PSG1: variants seen among roughly 807,000 people sequenced by gnomAD.
PSG1 encodes pregnancy-specific beta-1-glycoprotein 1.
PSG1 carries 60 observed loss-of-function variants against 41.4 expected under a neutral mutation model. That is an observed-to-expected ratio of 1.45 (90% CI 1.18 to 1.80). The LOEUF (loss-of-function observed/expected upper bound fraction) is 1.80. PSG1 is among the 40% of genes most tolerant of loss of function. The pLI, the probability that PSG1 is intolerant of heterozygous loss-of-function variation, is 0.00. For missense variants in PSG1, 806 were observed against 516.9 expected, an observed-to-expected ratio of 1.56 and a Z score of -5.42; for synonymous variants, 256 against 192.9, an observed-to-expected ratio of 1.33 and a Z score of -2.71.
intron 2 of PSG1, among the ~76,000 whole-genome samples, chr19:42,875,701 C>T (rs1971573929): frequency 6.6e-6 from 1 of 151,658 alleles, no homozygotes; most frequent in South Asian, 2.1e-4. Context: ...AGCCCTGATC[C>T]ACTGGGGAGG....
intron 2 of PSG1, among the ~76,000 whole-genome samples, chr19:42,874,505 C>G (rs1021550641): frequency 2.0e-5 from 3 of 151,620 alleles, no homozygotes; most frequent in Middle Eastern, 3.2e-3. Flanking sequence ...CGCCACCATG[C>G]CTGGCTAATT....
chr19:42,879,296 G>A (rs1971765452), intron 1 of PSG1, among the ~76,000 whole-genome samples: 1 of 151,092 alleles, frequency 6.6e-6, no homozygotes, highest in Admixed American at 6.6e-5. Flanking sequence ...AGGATTATAG[G>A]AGCACACCAC....
rs1165605404 is a variant in PSG1 at position 42,868,768 on chromosome 19, G to C, written c.976C>G (p.Leu326Val). Residue 326 changes from leucine (L) to valine (V), a missense_variant, in exon 4 of 6, where the codon CTG becomes GTG. Coordinates refer to ENST00000436291, the MANE Select transcript of PSG1 (RefSeq NM_001184825.2). Reference sequence around the variant, plus strand: ...AAAAGATACTCACAGAGGACATTCAGGGTGACTGGGTCACTGCGGATGCCA... The same window carrying C: ...AAAAGATACTCACAGAGGACATTCACGGTGACTGGGTCACTGCGGATGCCA... ...YGGIRSDPVT[L>V]NVLYGPDLPR... 2.5e-6 allele frequency: 4 copies of C among 1,612,018 alleles called. No individual in the cohort carries two copies. The highest frequency in any genetic ancestry group is 1.1e-5 in the South Asian group (1 of 90,778).
At position 42,868,127 on chromosome 19, in the gene PSG1, G is replaced by A. The variant is rs1041096500; in HGVS notation, c.1217C>T (p.Ser406Phe). 1.2e-6 allele frequency: 2 copies of A among 1,612,212 alleles called. No homozygotes were observed. Among genetic ancestry groups the A allele is most frequent in the Non-Finnish European group, 1.7e-6 (2 of 1,179,104 alleles). ...AGAGACTTCGACTGTCATGGATTTG[G>A]AGCTTTCCTTGCCAGTGGCTGAGTT... ...VRNSATGKESSKSMTVEVSDW... is the reference protein window; with the variant it reads ...VRNSATGKESFKSMTVEVSDW... Residue 406 changes from serine (S) to phenylalanine (F), a missense_variant, in exon 5 of 6, where the codon TCC (serine) becomes TTC (phenylalanine). By Grantham distance (155) the Ser-to-Phe change is radical. Coordinates refer to ENST00000436291, the MANE Select transcript of PSG1 (RefSeq NM_001184825.2).
intron 3 of PSG1, chr19:42,869,344 G>C: frequency 2.0e-6 from 1 of 507,610 alleles, no homozygotes; most frequent in Non-Finnish European, 3.2e-6. Context: ...CTAATCAGTT[G>C]ACTGGCTGGC....
chr19:42,877,428 T>C lies in PSG1; in HGVS notation c.430+485A>G, dbSNP rs529126677. 1.4e-3 allele frequency among the ~76,000 whole-genome samples: 206 copies of C among 151,666 alleles called. 5 individuals are homozygous for C. Among genetic ancestry groups the C allele is most frequent in the Middle Eastern group, 3.4e-3 (1 of 294 alleles). On this transcript the variant is annotated intron_variant, in intron 2 of 5. Coordinates refer to ENST00000436291, the MANE Select transcript of PSG1 (RefSeq NM_001184825.2). ...AGTCCTCTGACAGCTGGTAAATCCT[T>C]GGTCCCAGTAAGCCCTGCCCAAGAA...
intron 2 of PSG1, among the ~76,000 whole-genome samples, chr19:42,875,250 A>G (rs1362630764): frequency 6.6e-6 from 1 of 151,760 alleles, no homozygotes; most frequent in African/African-American, 2.4e-5. Context: ...AAGAATGATA[A>G]TAGTTCCTCC....
chr19:42,878,740 C>T (rs1007869940), intron 1 of PSG1, among the ~76,000 whole-genome samples: 8 of 150,000 alleles, frequency 5.3e-5, no homozygotes, highest in African/African-American at 1.7e-4. Context: ...GATCTCTTTG[C>T]ATGTCTGTCT....
At chr19:42,871,407 G>A (rs1189041471) in intron 3 of PSG1, among the ~76,000 whole-genome samples, 1 of 151,600 alleles carries the variant, frequency 6.6e-6, no homozygotes, top group Non-Finnish European at 1.5e-5. Context: ...TCAGAGGGAA[G>A]GGAAAATCCT....
chr19:42,879,458 G>T (rs1213050276), intron 1 of PSG1, 60 bp downstream of exon 1: 18 of 1,592,874 alleles, frequency 1.1e-5, no homozygotes, highest in African/African-American at 4.1e-5. Flanking sequence ...CTCTCCAGGA[G>T]ACCCCATCCA....
rs748709721 is a variant in PSG1 at position 42,869,056 on chromosome 19, G to A, written c.710-22C>T. On this transcript the variant is annotated intron_variant, in intron 3 of 5. Coordinates refer to ENST00000436291, the MANE Select transcript of PSG1 (RefSeq NM_001184825.2). ...TTCGCTGTGTGGATAACAGAGAGAA[G>A]ATTGTCCTGTGTGGCACCTTTGATT... 27 of 1,599,920 alleles carry A rather than the reference G, an allele frequency of 1.7e-5. 1 individual carries two copies. The highest frequency in any genetic ancestry group is 2.3e-5 in the Non-Finnish European group (27 of 1,173,322).
intron 2 of PSG1, among the ~76,000 whole-genome samples, chr19:42,875,551 C>G (rs1971567781): frequency 6.6e-6 from 1 of 151,470 alleles, no homozygotes; most frequent in African/African-American, 2.4e-5. Context: ...AATGGCTCAG[C>G]CAGTCATGTG....
Position 42,878,195 on chromosome 19 carries a change from C to A in PSG1, c.148G>T (p.Asp50Tyr). 6.2e-7 allele frequency: 1 copy of A among 1,612,112 alleles called. No homozygotes were observed. Among genetic ancestry groups the A allele is most frequent in the South Asian group, 1.1e-5 (1 of 90,784 alleles). ...AEPTKVSEGK[D>Y]VLLLVHNLPQ... ...AAATTGTGGACAAGTAGAAGAACAT[C>A]CTTCCCCTCGGAAACTTTGGTTGGC... The change falls in exon 2 of 6, where the codon GAT becomes TAT. Residue 50 changes from aspartate (D) to tyrosine (Y), a missense_variant. By Grantham distance (160) the Asp-to-Tyr change is radical. Transcript: ENST00000436291.
In PSG1 at chr19:42,868,293, A is replaced by G; in HGVS notation, c.1051T>C (p.Tyr351His). The stretch of plus-strand genomic sequence containing the variant: ...TTAGAGTCCGCAGAACAGGACAAGT[A>G]GAGGACTTCTCCTGAACGGTAATAG... ...FTYYRSGEVL[Y>H]LSCSADSNPP... The change falls in exon 5 of 6, where the codon TAC (tyrosine) becomes CAC (histidine). Residue 351 changes from tyrosine to histidine, a missense_variant. Tyr to His is a moderately conservative substitution (Grantham distance 83). Coordinates refer to ENST00000436291, the MANE Select transcript of PSG1 (RefSeq NM_001184825.2). 6.2e-7 allele frequency: 1 copy of G among 1,612,250 alleles called. No homozygotes were observed. Among genetic ancestry groups the G allele is most frequent in the Non-Finnish European group, 8.5e-7 (1 of 1,179,060 alleles).
intron 3 of PSG1, 183 bp from the exon 4 acceptor site, chr19:42,869,217 C>A: frequency 2.2e-6 from 3 of 1,338,152 alleles, no homozygotes; most frequent in Non-Finnish European, 3.0e-6. Context: ...TGTGAGGCCG[C>A]CTTCTCTGTC....
intron 2 of PSG1, among the ~76,000 whole-genome samples, chr19:42,872,507 C>T (rs1191435072): frequency 6.6e-6 from 1 of 151,674 alleles, no homozygotes; most frequent in South Asian, 2.1e-4. Flanking sequence ...TCCCATTGTC[C>T]TTAAAACCTT....
chr19:42,877,368 C>T (rs191324781), intron 2 of PSG1, among the ~76,000 whole-genome samples: 14 of 151,746 alleles, frequency 9.2e-5, no homozygotes, highest in African/African-American at 3.1e-4. Flanking sequence ...GCTCTGAGGG[C>T]TGAGCCCTGG....
At chr19:42,869,180 T>A (rs1036459940) in intron 3 of PSG1, 146 bp from the exon 4 acceptor site, 3 of 1,487,132 alleles carry the variant, frequency 2.0e-6, no homozygotes, top group Non-Finnish European at 2.7e-6. Flanking sequence ...ACAAGATAGA[T>A]GCATGATGAT....
At chr19:42,867,790 A>C in intron 5 of PSG1, 1 of 1,115,144 alleles carries the variant, frequency 9.0e-7, no homozygotes, top group Non-Finnish European at 1.3e-6. Flanking sequence ...TGTAGAAAAC[A>C]AACCATTTAA....
Sources: allele counts gnomAD v4.1 joint callset (sites outside exome capture counted in the v4.1 genomes callset), GRCh38; gene constraint gnomAD v4.1.1; transcripts MANE v1.5; gene names NCBI Gene and HGNC (gene_info 2026-07-23, HGNC 2026-07-21).